The following MTHFD1 variants were observed in gnomAD, a reference collection of about 807,000 sequenced individuals.
The protein encoded by MTHFD1 is methylenetetrahydrofolate dehydrogenase, cyclohydrolase and formyltetrahydrofolate synthetase 1, also known as C-1-tetrahydrofolate synthase, cytoplasmic.
A neutral mutation model predicts 110.3 loss-of-function variants in MTHFD1; 44 were observed. That is an observed-to-expected ratio of 0.40 (90% confidence interval 0.31 to 0.51). The LOEUF is 0.51. Among genes scored for constraint, MTHFD1 ranks in the 20% least tolerant of loss-of-function variants. The pLI is 0.60. For missense variants in MTHFD1, 909 were observed against 1,173.1 expected, an observed-to-expected ratio of 0.77 and a Z score of 3.29; for synonymous variants, 402 against 428.8, an observed-to-expected ratio of 0.94 and a Z score of 0.77.
intron 2 of MTHFD1, 59 bp from the exon 3 acceptor site, chr14:64,411,031 C>G (rs2077979232): frequency 2.5e-6 from 3 of 1,179,724 alleles, no homozygotes; most frequent in Non-Finnish European, 3.8e-6. Flanking sequence ...ATTGTAGAAG[C>G]TTTTCTGTGC....
chr14:64,389,683 G>A (rs1202906841), intron 1 of MTHFD1, among the ~76,000 whole-genome samples: 1 of 151,776 alleles, frequency 6.6e-6, no homozygotes, highest in Non-Finnish European at 1.5e-5. Context: ...ACTCCAGCCT[G>A]GGCAACAAGA....
intron 8 of MTHFD1, chr14:64,424,171 T>A (rs1489472851): frequency 1.3e-5 from 2 of 158,740 alleles, no homozygotes; most frequent in Admixed American, 1.2e-4. Flanking sequence ...TGAAGCCAAG[T>A]GTAGGATGTT....
At chr14:64,426,273 T>C (rs1360950215) in intron 11 of MTHFD1, 81 bp downstream of exon 11, 12 of 1,486,100 alleles carry the variant, frequency 8.1e-6, no homozygotes, top group African/African-American at 1.4e-5. Context: ...TTGGCACATG[T>C]ATGTAGAGGT....
At chr14:64,397,145 A>T (rs2077859325) in intron 1 of MTHFD1, among the ~76,000 whole-genome samples, 1 of 1,290 alleles carries the variant, frequency 7.8e-4, no homozygotes, top group Non-Finnish European at 1.4e-3. Flanking sequence ...AAAAATATAT[A>T]TATATATATA....
rs371594107 is a variant in MTHFD1, at chr14:64,388,457, G to A, written c.30G>A (p.Lys10=). 13 of 1,613,906 alleles carry A rather than the reference G, an allele frequency of 8.1e-6. No homozygotes were observed. The highest frequency in any genetic ancestry group is 1.1e-5 in the Non-Finnish European group (13 of 1,179,998). Residue 10 remains lysine (K), a synonymous_variant, in exon 1 of 28, where the codon AAG becomes AAA. Transcript: ENST00000652337. ...CGCCAGCAGAAATCCTGAACGGGAA[G>A]GAGATCTCCGCGTAAGCACCTGACA... MAPAEILNG[K]EISAQIRARL... is the part of the protein sequence containing the mutation.
intron 9 of MTHFD1, 31 bp from the exon 10 acceptor site, chr14:64,425,699 T>C (rs1478502128): frequency 6.4e-7 from 1 of 1,571,878 alleles, no homozygotes; most frequent in Admixed American, 1.7e-5. Flanking sequence ...TAACCACCTC[T>C]TCTAAGTTTC....
chr14:64,406,490 G>GTTTTT (rs56712265), intron 2 of MTHFD1, among the ~76,000 whole-genome samples: 1 of 123,172 alleles, frequency 8.1e-6, no homozygotes, highest in African/African-American at 3.1e-5. Context: ...TTTATTTGTG[G>GTTTTT]TTTTTTTTTT....
rs1297165759 is a variant in MTHFD1, at chr14:64,442,357, T to C, written c.2091T>C (p.Leu697=). ...GCCTCTGCCCCCACGTGGTGGTGCT[T>C]GTTGCCACTGTCAGGGCTCTCAAGA... ...YSGLCPHVVV[L]VATVRALKMH... The change falls in exon 21 of 28, where the codon CTT becomes CTC. Residue 697 remains leucine, a synonymous_variant. Coordinates refer to ENST00000652337, the MANE Select transcript of MTHFD1 (RefSeq NM_005956.4). 1.9e-6 allele frequency: 3 copies of C among 1,614,100 alleles called. No individual in the cohort carries two copies. Among genetic ancestry groups the C allele is most frequent in the Non-Finnish European group, 2.5e-6 (3 of 1,180,038 alleles).
chr14:64,410,662 G>A (rs1173095598), intron 2 of MTHFD1, among the ~76,000 whole-genome samples: 1 of 152,130 alleles, frequency 6.6e-6, no homozygotes, highest in East Asian at 1.9e-4. Context: ...TTGCCCCTGC[G>A]GGTGGGGGAG....
rs568155112 is a variant in MTHFD1 at position 64,417,908 on chromosome 14, C to T, written c.499C>T (p.His167Tyr). The T allele has an allele frequency of 1.2e-6, 2 of 1,612,960 alleles. No homozygotes were observed. Among genetic ancestry groups the T allele is most frequent in the South Asian group, 2.2e-5 (2 of 91,016 alleles). ...KETGVPIAGR[H>Y]AVVVGRSKIV... ...TTCAGGGGTGCCGATTGCCGGAAGG[C>T]ATGCTGTGGTGGTTGGGCGCAGTAA... Residue 167 changes from histidine to tyrosine, a missense_variant, in exon 7 of 28, where the codon CAT becomes TAT. By Grantham distance (83) the His-to-Tyr change is moderately conservative. This residue lies in a region of MTHFD1 where 424 missense variants were observed against 510.4 expected (regional missense o/e 0.83). Coordinates refer to ENST00000652337, the MANE Select transcript of MTHFD1 (RefSeq NM_005956.4). The surrounding 1 kb of genome is among the most constrained non-coding windows in gnomAD (Gnocchi z 4.4).
intron 26 of MTHFD1, among the ~76,000 whole-genome samples, chr14:64,457,164 T>G (rs2078487736): frequency 6.6e-6 from 1 of 152,190 alleles, no homozygotes; most frequent in Non-Finnish European, 1.5e-5. Context: ...TTGGCCCAAG[T>G]TAAAGGATAC....
rs918049912 is a variant in MTHFD1 at position 64,399,679 on chromosome 14, A to G, written c.42-1114A>G. 1.3e-3 allele frequency among the ~76,000 whole-genome samples: 194 copies of G among 151,972 alleles called. 6 individuals are homozygous for G. Among genetic ancestry groups the G allele is most frequent in the Non-Finnish European group, 2.4e-4 (16 of 67,992 alleles). On this transcript the variant is annotated intron_variant, in intron 1 of 27. Coordinates refer to ENST00000652337, the MANE Select transcript of MTHFD1 (RefSeq NM_005956.4). ...CTCAAAAAAAAAAAAAAAAAAAAGAAAAAAGAAAAAGATTCACATCTACTT... is the reference window on the plus strand; with the variant it reads ...CTCAAAAAAAAAAAAAAAAAAAAGAGAAAAGAAAAAGATTCACATCTACTT...
chr14:64,394,201 A>G (rs2077829116), intron 1 of MTHFD1, among the ~76,000 whole-genome samples: 1 of 152,162 alleles, frequency 6.6e-6, no homozygotes, highest in Non-Finnish European at 1.5e-5. Context: ...CCACTCGGCT[A>G]CTACCCTTAC....
intron 24 of MTHFD1, among the ~76,000 whole-genome samples, chr14:64,453,287 C>A (rs930192088): frequency 6.6e-6 from 1 of 151,802 alleles, no homozygotes; most frequent in African/African-American, 2.4e-5. Context: ...AGAAAGTGTT[C>A]CTGGCTGGGT....
intron 11 of MTHFD1, 27 bp from the exon 12 acceptor site, chr14:64,427,309 CT>C (rs1473321031): frequency 2.4e-5 from 39 of 1,613,368 alleles, no homozygotes; most frequent in Non-Finnish European, 3.0e-5. Context: ...TTCTTTAAAC[CT>C]TTTTCTCTTT....
In MTHFD1 at chr14:64,431,635, A is replaced by C; in HGVS notation, c.1415A>C (p.Asp472Ala). 1 of 1,614,058 alleles carries C rather than the reference A, an allele frequency of 6.2e-7. No homozygotes were observed. Among genetic ancestry groups the C allele is most frequent in the Non-Finnish European group, 8.5e-7 (1 of 1,179,898 alleles). Residue 472 changes from aspartate (D) to alanine (A), a missense_variant, in exon 14 of 28, where the codon GAC becomes GCC. By Grantham distance (126) the Asp-to-Ala change is moderately radical. Around this residue, in one of 3 missense-constraint regions of MTHFD1, gnomAD observed 482 missense variants for 646.0 expected, o/e 0.75. Coordinates refer to ENST00000652337, the MANE Select transcript of MTHFD1 (RefSeq NM_005956.4). Reference protein sequence around the residue: ...ARIFHELTQTDKALFNRLVPS... With the variant: ...ARIFHELTQTAKALFNRLVPS... ...ATATTTCATGAACTGACCCAGACAG[A>C]CAAGGTAGGATGCCAAAGCCCCATG...
At chr14:64,444,604 G>A in intron 21 of MTHFD1, 89 bp from the exon 22 acceptor site, 3 of 1,410,626 alleles carry the variant, frequency 2.1e-6, no homozygotes, top group Non-Finnish European at 3.0e-6. Flanking sequence ...AAGCATTGCA[G>A]CGTCTTGCCT....
At chr14:64,416,711 G>A (rs2078029110) in intron 6 of MTHFD1, among the ~76,000 whole-genome samples, 1 of 152,202 alleles carries the variant, frequency 6.6e-6, no homozygotes, top group Non-Finnish European at 1.5e-5. Context: ...AGCTTTGACA[G>A]TTCATTTCTA....
At position 64,441,179 on chromosome 14, in the gene MTHFD1, C is replaced by G. The variant is rs538867606; in HGVS notation, c.1816-206C>G. On this transcript the variant is annotated intron_variant, in intron 18 of 27. Transcript: ENST00000652337. ...TGCACTCCAGCCTGGGCAACACAGC[C>G]AGACTCCGTCTCAAAAAATAAATAA... The G allele has an allele frequency of 5.8e-5, 32 of 549,162 alleles. 1 individual carries two copies. The highest frequency in any genetic ancestry group is 5.8e-4 in the South Asian group (32 of 55,028). The allele number at this position is 549,162 out of a possible 1,614,324, so 34.0% of individuals were successfully genotyped here.
Sources: gnomAD v4.1 joint callset for allele counts (sites outside exome capture counted in the v4.1 genomes callset) on GRCh38, gnomAD v4.1.1 for gene constraint, gnomAD v4.1.1 regional missense constraint, Gnocchi (gnomAD v3.1) non-coding constraint, MANE v1.5 for transcripts, NCBI Gene and HGNC (gene_info 2026-07-23, HGNC 2026-07-21) for gene names.